The following TEX46 variants were observed in gnomAD, a reference collection of about 807,000 sequenced individuals.
TEX46 encodes the protein testis-expressed protein 46.
A neutral mutation model predicts 5.3 loss-of-function variants in TEX46; 6 were observed. The ratio of observed to expected loss-of-function variants is 1.13; its 90% CI spans 0.62 to 2.23. TEX46 has a LOEUF of 2.23. TEX46 is among the 30% of genes most tolerant of loss of function. The pLI is 0.00. For synonymous variants in TEX46, 41 were observed against 54.6 expected (o/e 0.75, Z 1.10); for missense variants, 131 against 150.9 (o/e 0.87, Z 0.69).
intron 1 of TEX46, 188 bp from the exon 2 acceptor site, chr1:23,014,233 A>C: frequency 1.6e-5 from 17 of 1,076,974 alleles, no homozygotes; most frequent in Non-Finnish European, 1.9e-5. Context: ...AGCACCCACT[A>C]TGTGCCAGAC....
At chr1:23,015,697 G>T (rs1339404565) in intron 1 of TEX46, 75 bp downstream of exon 1, 7 of 671,710 alleles carry the variant, frequency 1.0e-5, no homozygotes, top group South Asian at 3.2e-5. Flanking sequence ...CAACATAGAT[G>T]AACCTTGAGG....
At chr1:23,014,086 G>A in intron 1 of TEX46, 41 bp from the exon 2 acceptor site, 1 of 1,525,216 alleles carries the variant, frequency 6.6e-7, no homozygotes, top group Non-Finnish European at 8.8e-7. Flanking sequence ...ATGGCGTGGA[G>A]GCACACAGGC....
Position 23,013,958 on chromosome 1 carries a change from G to A in TEX46, c.90C>T (p.Phe30=), listed in dbSNP as rs61744632. ...TGCTAAGCAACAGCAGAAGGAATAG[G>A]AACCCAAACAAGGCTGGCTTATAGC... ...LMSYKPALFG[F]LFLLLLLSNW... Residue 30 remains phenylalanine, a synonymous_variant, in exon 2 of 3, where the codon TTC becomes TTT. Transcript: ENST00000566855. 7.1e-3 allele frequency: 10,974 copies of A among 1,535,956 alleles called. 666 individuals are homozygous for A. The African/African-American group carries it at 0.13, about 18-fold the overall frequency.
chr1:23,010,969 GT>G lies in TEX46; in HGVS notation c.297del (p.Lys99AsnfsTer4). ...SSRHRNFPMK[K>X]HRMRRHESIC... ...ATTGACTCATGCCTCCTCATTCTGT[GT>G]TTTTTCATGGGAAAATTCCGATGTC... is the stretch of plus-strand genomic sequence containing the variant. On this transcript the variant is annotated frameshift_variant, in exon 3 of 3. Coordinates refer to ENST00000566855, the MANE Select transcript of TEX46 (RefSeq NM_001242521.2). LOFTEE classifies it low-confidence loss of function (END_TRUNC). 5 of 1,535,770 alleles carry G rather than the reference GT, an allele frequency of 3.3e-6. No individual in the cohort carries two copies. The highest frequency in any genetic ancestry group is 4.4e-6 in the Non-Finnish European group (5 of 1,146,642).
Position 23,013,996 on chromosome 1 carries a change from C to A in TEX46, c.52G>T (p.Ala18Ser). The A allele has an allele frequency of 6.5e-7, 1 of 1,536,090 alleles. No homozygotes were observed. The highest frequency in any genetic ancestry group is 8.7e-7 in the Non-Finnish European group (1 of 1,146,888). ...ASAGTIGAVA[A>S]WLMSYKPALF... ...GCTGGCTTATAGCTCATCAGCCAAGCTGCCACTGCTCCTATGGTGCCTGCG... is the reference window on the plus strand; with the variant it reads ...GCTGGCTTATAGCTCATCAGCCAAGATGCCACTGCTCCTATGGTGCCTGCG... The change falls in exon 2 of 3, where the codon GCT becomes TCT. Residue 18 changes from alanine to serine, a missense_variant. Ala to Ser is a moderately conservative substitution (Grantham distance 99). Coordinates refer to ENST00000566855, the MANE Select transcript of TEX46 (RefSeq NM_001242521.2).
In TEX46 at chr1:23,010,891, C is replaced by G. The variant is rs909498154; in HGVS notation, c.*10G>C. Reference sequence around the variant, plus strand: ...GTAACATCGGCAGAGGCCAGCCCGCCTCGGCCTCATTAGCTGGGGGAACTC... The same window carrying G: ...GTAACATCGGCAGAGGCCAGCCCGCGTCGGCCTCATTAGCTGGGGGAACTC... On this transcript the variant is annotated 3_prime_UTR_variant, in exon 3 of 3. Transcript: ENST00000566855. 15 of 1,522,966 alleles carry G rather than the reference C, an allele frequency of 9.8e-6. No individual in the cohort carries two copies. In the African/African-American group the frequency reaches 1.8e-4, roughly 18 times the overall value. The allele number at this position is 1,522,966 out of a possible 1,614,324, so 94.3% of individuals were successfully genotyped here.
intron 2 of TEX46, among the ~76,000 whole-genome samples, chr1:23,011,571 A>G (rs759204339): frequency 1.3e-5 from 2 of 151,672 alleles, no homozygotes; most frequent in African/African-American, 4.8e-5. Flanking sequence ...TTTTTGTATT[A>G]GTAGAAATTT....
chr1:23,012,934 T>C (rs1234078242), intron 2 of TEX46, among the ~76,000 whole-genome samples: 2 of 148,282 alleles, frequency 1.3e-5, no homozygotes. Flanking sequence ...TACAGTGGCA[T>C]GCTCACTGCA....
chr1:23,011,199 T>G, intron 2 of TEX46, 98 bp from the exon 3 acceptor site: 1 of 883,466 alleles, frequency 1.1e-6, no homozygotes, highest in Admixed American at 2.2e-5. Flanking sequence ...TTTCTCTTCC[T>G]CCTTTTAAGC....
rs1298125340 is a variant in TEX46, at chr1:23,014,020, C to G, written c.28G>C (p.Ala10Pro). The G allele has an allele frequency of 1.3e-6, 2 of 1,535,844 alleles. No individual in the cohort carries two copies. The highest frequency in any genetic ancestry group is 2.7e-5 in the African/African-American group (2 of 73,028). The change falls in exon 2 of 3, where the codon GCA (alanine) becomes CCA (proline). Residue 10 changes from alanine to proline, a missense_variant. Transcript: ENST00000566855. MSLHGILAS[A>P]GTIGAVAAWL... is the part of the protein sequence containing the mutation. ...GCTGCCACTGCTCCTATGGTGCCTG[C>G]GGAGGCAAGTATCCCATGGAGACTC... is the stretch of plus-strand genomic sequence containing the variant.
rs1466437836 is a variant in TEX46 at position 23,011,400 on chromosome 1, T to TC, written c.166-300_166-299insG. On this transcript the variant is annotated intron_variant, in intron 2 of 2. Transcript: ENST00000566855. Reference sequence around the variant, plus strand: ...TAACGGGAAGTCACTTTCTTTTTTTTTTTTTTTTTGAGACTGAGTTTCACT... The same window carrying TC: ...TAACGGGAAGTCACTTTCTTTTTTTTCTTTTTTTTTGAGACTGAGTTTCACT... Among the ~76,000 whole-genome samples the TC allele has an allele frequency of 2.6e-5, 4 of 151,614 alleles. No individual in the cohort carries two copies. In the East Asian group the frequency reaches 7.7e-4, roughly 29 times the overall value.
At position 23,013,925 on chromosome 1, in the gene TEX46, CA is replaced by C. The variant is rs1641385360; in HGVS notation, c.122del (p.Leu41TrpfsTer27). On this transcript the variant is annotated frameshift_variant, in exon 2 of 3. Coordinates refer to ENST00000566855, the MANE Select transcript of TEX46 (RefSeq NM_001242521.2). LOFTEE classifies it low-confidence loss of function (END_TRUNC). ...GGGTGAGCTTGTGTTCATACTTGAC[CA>C]ACCAGTTGCTAAGCAACAGCAGAAG... ...LFLLLLLSNWLVKYEHKLTLP... is the reference protein window; with the variant it reads ...LFLLLLLSNWXVKYEHKLTLP... 2.0e-6 allele frequency: 3 copies of C among 1,536,050 alleles called. No homozygotes were observed. The Admixed American group carries it at 5.9e-5, about 30-fold the overall frequency.
chr1:23,011,644 C>T (rs12145675), intron 2 of TEX46, among the ~76,000 whole-genome samples: 67 of 152,310 alleles, frequency 4.4e-4, no homozygotes, highest in Admixed American at 7.2e-4. Flanking sequence ...AGGCTGGTCT[C>T]GAACTCCCGA....
intron 1 of TEX46, among the ~76,000 whole-genome samples, chr1:23,015,411 G>T (rs527412288): frequency 9.0e-6 from 1 of 111,246 alleles, no homozygotes; most frequent in Non-Finnish European, 1.7e-5. Flanking sequence ...ACTCCAGCCT[G>T]GGCGACAACA....
intron 1 of TEX46, 190 bp from the exon 2 acceptor site, chr1:23,014,235 G>A (rs774291397): frequency 1.6e-5 from 17 of 1,072,350 alleles, no homozygotes; most frequent in Non-Finnish European, 2.1e-5. Context: ...CACCCACTAT[G>A]TGCCAGACTC....
At position 23,013,983 on chromosome 1, in the gene TEX46, C is replaced by CT; in HGVS notation, c.64dup (p.Ser22LysfsTer3). 6.5e-7 allele frequency: 1 copy of CT among 1,536,004 alleles called. No homozygotes were observed. Among genetic ancestry groups the CT allele is most frequent in the African/African-American group, 1.4e-5 (1 of 73,154 alleles). ...GAACCCAAACAAGGCTGGCTTATAG[C>CT]TCATCAGCCAAGCTGCCACTGCTCC... is the stretch of plus-strand genomic sequence containing the variant. On this transcript the variant is annotated frameshift_variant, in exon 2 of 3. Transcript: ENST00000566855. LOFTEE classifies it high-confidence loss of function.
chr1:23,010,965 C>T lies in TEX46; in HGVS notation c.302G>A (p.Arg101Lys), dbSNP rs1557466895. 6.5e-7 allele frequency: 1 copy of T among 1,535,770 alleles called. No homozygotes were observed. The highest frequency in any genetic ancestry group is 1.4e-5 in the African/African-American group (1 of 73,142). The change falls in exon 3 of 3, where the codon AGA (arginine) becomes AAA (lysine). Residue 101 changes from arginine (R) to lysine (K), a missense_variant. Arg to Lys is a conservative substitution (Grantham distance 26). Transcript: ENST00000566855. ...GCAAATTGACTCATGCCTCCTCATT[C>T]TGTGTTTTTTCATGGGAAAATTCCG... ...RHRNFPMKKH[R>K]MRRHESICPT...
intron 2 of TEX46, among the ~76,000 whole-genome samples, chr1:23,011,496 G>A (rs142847743): frequency 0.046 from 6,922 of 151,484 alleles, 536 homozygotes; most frequent in African/African-American, 0.16. Context: ...GGGTTCAAAC[G>A]ATTCTTCTGC....
intron 1 of TEX46, 44 bp from the exon 2 acceptor site, chr1:23,014,089 A>G: frequency 6.6e-7 from 1 of 1,524,116 alleles, no homozygotes; most frequent in Non-Finnish European, 8.8e-7. Context: ...GCGTGGAGGC[A>G]CACAGGCCCC....
Sources: allele counts gnomAD v4.1 joint callset (sites outside exome capture counted in the v4.1 genomes callset), GRCh38; gene constraint gnomAD v4.1.1; transcripts MANE v1.5; gene names NCBI Gene and HGNC (gene_info 2026-07-23, HGNC 2026-07-21).